USP7: variants seen among roughly 807,000 people sequenced by gnomAD.
USP7 encodes the protein ubiquitin C-terminal hydrolase 7.
In USP7, 9 loss-of-function variants were observed where a neutral mutation model predicts 162.9. The observed-to-expected ratio is 0.06, with a 90% CI of 0.03 to 0.10. The LOEUF (loss-of-function observed/expected upper bound fraction) is 0.10. Ranked by LOEUF, USP7 falls within the 10% of genes least tolerant of loss-of-function variation. The probability of loss-of-function intolerance (pLI) is 1.00; values close to 1 mark genes in which losing one functional copy is unlikely to be tolerated. For synonymous variants in USP7, 562 were observed against 475.9 expected (o/e 1.18, Z -2.35); for missense variants, 715 against 1,373.7 (o/e 0.52, Z 7.58).
rs901244903 is a variant in USP7 at position 8,912,789 on chromosome 16, G to GA, written c.1079-1963dup. Among the ~76,000 whole-genome samples the GA allele has an allele frequency of 6.2e-5, 9 of 145,838 alleles. No homozygotes were observed. In the East Asian group the frequency reaches 1.4e-3, roughly 23 times the overall value. On this transcript the variant is annotated intron_variant, in intron 10 of 30. Transcript: ENST00000344836. ...ATTATAATTAATTGATAAATACATAGAAAAAAAAGAAGAGATAAAGATTTT... is the reference window on the plus strand; with the variant it reads ...ATTATAATTAATTGATAAATACATAGAAAAAAAAAGAAGAGATAAAGATTTT...
intron 1 of USP7, among the ~76,000 whole-genome samples, chr16:8,958,226 C>T (rs1037513146): frequency 2.6e-5 from 4 of 152,182 alleles, no homozygotes; most frequent in Non-Finnish European, 5.9e-5. Context: ...CTTATGCAAG[C>T]CAACAGGGAG....
intron 3 of USP7, among the ~76,000 whole-genome samples, chr16:8,922,716 T>G (rs1291823299): frequency 6.6e-6 from 1 of 152,266 alleles, no homozygotes; most frequent in East Asian, 1.9e-4. Flanking sequence ...CTAATTCATC[T>G]AAATAGAAGG....
intron 11 of USP7, among the ~76,000 whole-genome samples, chr16:8,909,578 C>A (rs1223214296): frequency 3.3e-5 from 5 of 152,192 alleles, no homozygotes; most frequent in Non-Finnish European, 7.3e-5. Flanking sequence ...GAATAGAGAA[C>A]AGTAATTCTC....
chr16:8,931,935 C>T (rs1898371113), intron 1 of USP7, among the ~76,000 whole-genome samples: 1 of 152,220 alleles, frequency 6.6e-6, no homozygotes, highest in Non-Finnish European at 1.5e-5. Context: ...ATCTCAACTG[C>T]ATACAGGAGA....
At chr16:8,919,198 T>G in intron 5 of USP7, 59 bp from the exon 6 acceptor site, 1 of 1,553,552 alleles carries the variant, frequency 6.4e-7, no homozygotes, top group Non-Finnish European at 8.9e-7. Flanking sequence ...TCCTGCAGTG[T>G]GTGTGAAGCA....
At chr16:8,926,998 G>A (rs1324507525) in intron 2 of USP7, among the ~76,000 whole-genome samples, 2 of 152,140 alleles carry the variant, frequency 1.3e-5, no homozygotes, top group Non-Finnish European at 2.9e-5. Context: ...AAGGCCAATA[G>A]ACCAGCCTGG....
Position 8,900,440 on chromosome 16 carries a change from G to A in USP7, c.2309+90C>T, listed in dbSNP as rs988082263. The A allele has an allele frequency of 3.9e-5, 35 of 894,720 alleles. 1 individual carries two copies. Among genetic ancestry groups the A allele is most frequent in the Admixed American group, 2.7e-4 (9 of 33,350 alleles). The allele number at this position is 894,720 out of a possible 1,614,324, so 55.4% of individuals were successfully genotyped here. A position where few individuals can be genotyped will look rare whatever the true frequency, so the allele number is the denominator to read the frequency against. On this transcript the variant is annotated intron_variant, in intron 21 of 30. Coordinates refer to ENST00000344836, the MANE Select transcript of USP7 (RefSeq NM_003470.3). ...AAAAACAAAAACAAAAACGTGGCTC[G>A]GGATCTAGGTACAAATGTTTCTTGG...
chr16:8,933,345 G>A (rs1290966728), intron 1 of USP7, among the ~76,000 whole-genome samples: 1 of 152,052 alleles, frequency 6.6e-6, no homozygotes, highest in African/African-American at 2.4e-5. Context: ...CAAGGAGTCC[G>A]AGACCAACAT....
At chr16:8,947,955 T>G (rs1899363266) in intron 1 of USP7, among the ~76,000 whole-genome samples, 1 of 152,154 alleles carries the variant, frequency 6.6e-6, no homozygotes, top group South Asian at 2.1e-4. Flanking sequence ...TCCAGGGTCT[T>G]TAGGCTCCAT....
At chr16:8,899,306 T>G in intron 22 of USP7, 118 bp from the exon 23 acceptor site, 1 of 989,160 alleles carries the variant, frequency 1.0e-6, no homozygotes, top group Non-Finnish European at 1.5e-6. Context: ...CCCTAGAAAT[T>G]TATTAAACAG....
chr16:8,940,727 G>C (rs575277868), intron 1 of USP7, among the ~76,000 whole-genome samples: 1 of 152,302 alleles, frequency 6.6e-6, no homozygotes, highest in East Asian at 1.9e-4. Context: ...TGTGGAGTGA[G>C]ATCAATCCCC....
At chr16:8,960,121 GCCA>G (rs1218017932) in intron 1 of USP7, among the ~76,000 whole-genome samples, 1 of 152,192 alleles carries the variant, frequency 6.6e-6, no homozygotes, top group Non-Finnish European at 1.5e-5. Context: ...GACTTCCATG[GCCA>G]CCAAAGTTAG....
Position 8,920,462 on chromosome 16 carries a change from T to A in USP7, c.523-15A>T, listed in dbSNP as rs1197128290. The A allele has an allele frequency of 1.2e-5, 19 of 1,600,060 alleles. No individual in the cohort carries two copies. Among genetic ancestry groups the A allele is most frequent in the Non-Finnish European group, 1.5e-5 (18 of 1,171,690 alleles). Reference sequence around the variant, plus strand: ...TCGGTCACTTCCTATAAAACATAAATAAGAATATCCAGCTTGAATAAGAAC... The same window carrying A: ...TCGGTCACTTCCTATAAAACATAAAAAAGAATATCCAGCTTGAATAAGAAC... On this transcript the variant is annotated splice_polypyrimidine_tract_variant and intron_variant, in intron 4 of 30. Transcript: ENST00000344836.
intron 1 of USP7, among the ~76,000 whole-genome samples, chr16:8,953,209 A>C (rs1051520549): frequency 2.0e-5 from 3 of 152,026 alleles, no homozygotes; most frequent in Admixed American, 2.0e-4. Flanking sequence ...CCCCGCGGTA[A>C]GCCAGTCCTG....
At position 8,893,272 on chromosome 16, in the gene USP7, C is replaced by G. The variant is rs768285317; in HGVS notation, c.*726G>C. On this transcript the variant is annotated 3_prime_UTR_variant, in exon 31 of 31. Coordinates refer to ENST00000344836, the MANE Select transcript of USP7 (RefSeq NM_003470.3). ...ACCTGCTCGTATGAACTGTTGAGAT[C>G]GTAAGTCTGCCAAGGCAGCAGAGTA... The G allele has an allele frequency of 6.6e-6, 1 of 152,196 alleles. No individual in the cohort carries two copies. Among genetic ancestry groups the G allele is most frequent in the Non-Finnish European group, 1.5e-5 (1 of 68,060 alleles). The allele number at this position is 152,196 out of a possible 1,614,324, so 9.4% of individuals were successfully genotyped here. A position where few individuals can be genotyped will look rare whatever the true frequency, so the allele number is the denominator to read the frequency against.
chr16:8,962,001 T>G (rs1315373135), intron 1 of USP7, among the ~76,000 whole-genome samples: 1 of 152,186 alleles, frequency 6.6e-6, no homozygotes, highest in African/African-American at 2.4e-5. Flanking sequence ...CCAGCCATTT[T>G]TTCAGTGACT....
intron 1 of USP7, chr16:8,936,833 G>C (rs1033638086): frequency 1.9e-6 from 2 of 1,043,562 alleles, no homozygotes; most frequent in African/African-American, 1.7e-5. Context: ...TGGAAAAACT[G>C]GTGAAACTCT....
At chr16:8,949,056 T>G (rs1899430206) in intron 1 of USP7, among the ~76,000 whole-genome samples, 1 of 152,228 alleles carries the variant, frequency 6.6e-6, no homozygotes, top group Admixed American at 6.5e-5. Flanking sequence ...AGGATTTCCT[T>G]TTGTGGTGAT....
chr16:8,931,491 A>C (rs903513390), intron 1 of USP7, among the ~76,000 whole-genome samples: 26 of 152,204 alleles, frequency 1.7e-4, no homozygotes, highest in African/African-American at 5.8e-4. Flanking sequence ...TAAAACATCA[A>C]ATCATCACCC....
Sources: allele counts gnomAD v4.1 joint callset (sites outside exome capture counted in the v4.1 genomes callset), GRCh38; gene constraint gnomAD v4.1.1; transcripts MANE v1.5; gene names NCBI Gene and HGNC (gene_info 2026-07-23, HGNC 2026-07-21).